Variants in TEAD2 observed in about 807,000 individuals in gnomAD.
TEAD2 encodes transcriptional enhancer factor TEF-4.
Under a neutral mutation model 61.4 loss-of-function variants are expected in TEAD2, and 51 were observed. That is an observed-to-expected ratio of 0.83 (90% CI 0.66 to 1.05). The LOEUF (loss-of-function observed/expected upper bound fraction) is 1.05. TEAD2 is among the 50% of genes least tolerant of loss of function. TEAD2 has a pLI of 0.00. For synonymous variants in TEAD2, 244 were observed against 243.2 expected, an observed-to-expected ratio of 1.00 and a Z score of -0.03; for missense variants, 509 against 600.0, an observed-to-expected ratio of 0.85 and a Z score of 1.58.
intron 5 of TEAD2, 66 bp from the exon 6 acceptor site, chr19:49,355,485 T>C (rs779038382): frequency 6.7e-5 from 93 of 1,397,518 alleles, no homozygotes; most frequent in Non-Finnish European, 8.3e-5. Flanking sequence ...AGGGGGATGG[T>C]GCCAGGGTGG....
intron 4 of TEAD2, chr19:49,356,390 A>C (rs1362791049): frequency 3.3e-5 from 5 of 153,844 alleles, no homozygotes; most frequent in African/African-American, 1.2e-4. Context: ...AAAAAAAAAA[A>C]AAAAAAAAAA....
rs763194507 is a variant in TEAD2, at chr19:49,347,221, G to T, written c.890C>A (p.Pro297His). Residue 297 changes from proline (P) to histidine (H), a missense_variant, in exon 10 of 13, where the codon CCC becomes CAC. Coordinates refer to ENST00000593945, the MANE Select transcript of TEAD2 (RefSeq NM_001256660.2). ...CTTGACCAGGAAGAAGGCATGGGGG[G>T]GGCCACGATCATATAGCTCTCGGAG... ...GGLRELYDRG[P>H]PHAFFLVKFW... 5.6e-6 allele frequency: 9 copies of T among 1,613,906 alleles called. No individual in the cohort carries two copies. Among genetic ancestry groups the T allele is most frequent in the African/African-American group, 2.7e-5 (2 of 74,882 alleles).
chr19:49,357,570 G>A (rs1417716054), intron 3 of TEAD2: 1 of 565,486 alleles, frequency 1.8e-6, no homozygotes, highest in Non-Finnish European at 3.2e-6. Context: ...GCTACTCTGG[G>A]TCTAACACAA....
In TEAD2 at chr19:49,341,504, G is replaced by T; in HGVS notation, c.1243-67C>A. 7.7e-7 allele frequency: 1 copy of T among 1,304,138 alleles called. No homozygotes were observed. The highest frequency in any genetic ancestry group is 1.1e-6 in the Non-Finnish European group (1 of 908,796). The allele number at this position is 1,304,138 out of a possible 1,614,324, so 80.8% of individuals were successfully genotyped here. Reference sequence around the variant, plus strand: ...AGGGCAGGGACCCCTGTGCCCCCCTGCCAAGCTATCATGGAATACCCAGCA... The same window carrying T: ...AGGGCAGGGACCCCTGTGCCCCCCTTCCAAGCTATCATGGAATACCCAGCA... On this transcript the variant is annotated intron_variant, in intron 12 of 12. Transcript: ENST00000593945. The surrounding 1 kb of genome is among the most constrained non-coding windows in gnomAD (Gnocchi z 4.2).
At chr19:49,355,010 C>G in intron 7 of TEAD2, 138 bp downstream of exon 7, 3 of 646,736 alleles carry the variant, frequency 4.6e-6, no homozygotes, top group Admixed American at 2.6e-5. Context: ...TCAATAAATA[C>G]ATACATACAT....
intron 10 of TEAD2, among the ~76,000 whole-genome samples, chr19:49,346,794 T>G (rs938426904): frequency 1.3e-5 from 2 of 152,172 alleles, no homozygotes. Flanking sequence ...GTCCCCTCTT[T>G]AGAAACCAGT....
In TEAD2 at chr19:49,341,223, A is replaced by T; in HGVS notation, c.*101T>A. On this transcript the variant is annotated 3_prime_UTR_variant, in exon 13 of 13. Transcript: ENST00000593945. This position sits in a 1 kb window ranked among gnomAD's most constrained non-coding sequence, Gnocchi z 4.2. Reference sequence around the variant, plus strand: ...TTAGGCCTCTGAGGTCAACCCCTTTACATCACAGCCCTCTCCCCAAATAAG... The same window carrying T: ...TTAGGCCTCTGAGGTCAACCCCTTTTCATCACAGCCCTCTCCCCAAATAAG... 9.4e-7 allele frequency: 1 copy of T among 1,059,332 alleles called. No homozygotes were observed. The highest frequency in any genetic ancestry group is 1.4e-6 in the Non-Finnish European group (1 of 698,722). The allele number at this position is 1,059,332 out of a possible 1,614,324, so 65.6% of individuals were successfully genotyped here. A position where few individuals can be genotyped will look rare whatever the true frequency, so the allele number is the denominator to read the frequency against.
At chr19:49,342,847 C>T (rs1284870083) in intron 11 of TEAD2, among the ~76,000 whole-genome samples, 3 of 152,110 alleles carry the variant, frequency 2.0e-5, no homozygotes, top group Non-Finnish European at 2.9e-5. Context: ...ACTCCTCTAA[C>T]CTCCCAGCCC....
At chr19:49,344,125 G>A (rs1379400596) in intron 10 of TEAD2, among the ~76,000 whole-genome samples, 1 of 152,044 alleles carries the variant, frequency 6.6e-6, no homozygotes, top group Non-Finnish European at 1.5e-5. Context: ...GGGATTACAG[G>A]CATGAGCCAC....
intron 10 of TEAD2, among the ~76,000 whole-genome samples, chr19:49,346,787 C>T (rs927012896): frequency 6.6e-6 from 1 of 152,172 alleles, no homozygotes; most frequent in African/African-American, 2.4e-5. Flanking sequence ...AGCATCAGTC[C>T]CCTCTTTAGA....
rs1214181647 is a variant in TEAD2, at chr19:49,341,416, G to C, written c.1264C>G (p.Gln422Glu). 3 of 1,613,858 alleles carry C rather than the reference G, an allele frequency of 1.9e-6. No individual in the cohort carries two copies. Among genetic ancestry groups the C allele is most frequent in the East Asian group, 2.2e-5 (1 of 44,884 alleles). ...ILQVVTNRDTQELLLCTAYVF... is the reference protein window; with the variant it reads ...ILQVVTNRDTEELLLCTAYVF... The stretch of plus-strand genomic sequence containing the variant: ...TAGGCGGTGCAGAGCAGCAGTTCCT[G>C]GGTGTCTCTGTTTGTCACCACCTGC... The change falls in exon 13 of 13, where the codon CAG becomes GAG. Residue 422 changes from glutamine (Q) to glutamate (E), a missense_variant. Gln to Glu is a conservative substitution (Grantham distance 29). Transcript: ENST00000593945. The surrounding 1 kb of genome is among the most constrained non-coding windows in gnomAD (Gnocchi z 4.2).
intron 3 of TEAD2, among the ~76,000 whole-genome samples, chr19:49,358,736 G>A (rs1164077299): frequency 2.0e-5 from 3 of 150,998 alleles, no homozygotes; most frequent in East Asian, 2.1e-4. Flanking sequence ...GGGTTCAAGC[G>A]ATTTTCGTGC....
chr19:49,347,897 T>C (rs115413567), intron 9 of TEAD2, among the ~76,000 whole-genome samples: 2,675 of 152,338 alleles, frequency 0.018, 75 homozygotes, highest in African/African-American at 0.055. Context: ...GACTGCTACG[T>C]GTTCACAAAT....
intron 10 of TEAD2, among the ~76,000 whole-genome samples, chr19:49,346,893 T>C (rs1200612202): frequency 2.0e-5 from 3 of 152,156 alleles, no homozygotes; most frequent in African/African-American, 7.2e-5. Context: ...GCCTGGAACA[T>C]GGCAAGCCCA....
chr19:49,343,635 C>T (rs1161718387), intron 10 of TEAD2, among the ~76,000 whole-genome samples: 1 of 151,732 alleles, frequency 6.6e-6, no homozygotes, highest in African/African-American at 2.4e-5. Context: ...GCTACTGGGA[C>T]ACTGACGCAG....
At chr19:49,360,632 A>C (rs948782798) in intron 1 of TEAD2, among the ~76,000 whole-genome samples, 1 of 151,892 alleles carries the variant, frequency 6.6e-6, no homozygotes, top group African/African-American at 2.4e-5. Context: ...GTGTGGGTGA[A>C]ACTTCCCCTG....
chr19:49,351,368 G>A lies in TEAD2; in HGVS notation c.540-3C>T. 1.2e-6 allele frequency: 2 copies of A among 1,608,616 alleles called. No homozygotes were observed. Among genetic ancestry groups the A allele is most frequent in the South Asian group, 1.1e-5 (1 of 89,662 alleles). On this transcript the variant is annotated splice_region_variant and splice_polypyrimidine_tract_variant and intron_variant, in intron 7 of 12. Transcript: ENST00000593945. ...GTGTCTGTGAGAATGGCTTCACACT[G>A]AGGGAAAAAGGAAGCCAGGGGTTAG... is the stretch of plus-strand genomic sequence containing the variant.
intron 10 of TEAD2, among the ~76,000 whole-genome samples, 187 bp from the exon 11 acceptor site, chr19:49,343,585 C>A (rs954103590): frequency 1.4e-4 from 22 of 152,018 alleles, no homozygotes; most frequent in Non-Finnish European, 3.1e-4. Context: ...ACTAAAAATA[C>A]AAAATTAGCC....
At chr19:49,351,401 G>C in intron 7 of TEAD2, 36 bp from the exon 8 acceptor site, 1 of 1,579,172 alleles carries the variant, frequency 6.3e-7, no homozygotes, top group East Asian at 2.3e-5. Context: ...TAGCCAGGTA[G>C]AAAGATGCTA....
Sources: gnomAD v4.1 joint callset for allele counts (sites outside exome capture counted in the v4.1 genomes callset) on GRCh38, gnomAD v4.1.1 for gene constraint, Gnocchi (gnomAD v3.1) non-coding constraint, MANE v1.5 for transcripts, NCBI Gene and HGNC (gene_info 2026-07-23, HGNC 2026-07-21) for gene names.